Variants in SCN9A observed in about 807,000 individuals in gnomAD.
SCN9A encodes sodium voltage-gated channel alpha subunit 9.
A neutral mutation model predicts 187.0 loss-of-function variants in SCN9A; 131 were observed. The observed-to-expected ratio is 0.70, with a 90% CI of 0.61 to 0.81. The LOEUF (loss-of-function observed/expected upper bound fraction) is 0.81, where lower values mean the gene tolerates loss of function less well. Ranked by LOEUF, SCN9A falls within the 30% of genes least tolerant of loss-of-function variation. The pLI, the probability that SCN9A is intolerant of heterozygous loss-of-function variation, is 0.00. For synonymous variants in SCN9A, 809 were observed against 808.6 expected, an observed-to-expected ratio of 1.00 and a Z score of -0.01; for missense variants, 2,252 against 2,396.6, an observed-to-expected ratio of 0.94 and a Z score of 1.26.
intron 17 of SCN9A, among the ~76,000 whole-genome samples, chr2:166,266,597 A>G (rs1350758803): frequency 6.7e-6 from 1 of 149,774 alleles, no homozygotes; most frequent in Non-Finnish European, 1.5e-5. Context: ...TTTTCTGTAA[A>G]GAATGTCACT....
chr2:166,343,990 A>G (rs1421562054), intron 1 of SCN9A, among the ~76,000 whole-genome samples: 1 of 152,176 alleles, frequency 6.6e-6, no homozygotes, highest in Non-Finnish European at 1.5e-5. Flanking sequence ...CTAAGTGTCA[A>G]TTCTTTACTT....
rs1394935757 is a variant in SCN9A, at chr2:166,197,183, T to C, written c.*1489A>G. On this transcript the variant is annotated 3_prime_UTR_variant, in exon 27 of 27. Transcript: ENST00000642356. ...CTACCTGTGTAGCTCAATTTTTGCC[T>C]GTGCATGAATAACTTTATAGAAGAA... 6.6e-6 allele frequency: 1 copy of C among 152,134 alleles called. No individual in the cohort carries two copies. Among genetic ancestry groups the C allele is most frequent in the Non-Finnish European group, 1.5e-5 (1 of 67,982 alleles). The allele number at this position is 152,134 out of a possible 1,614,324, so 9.4% of individuals were successfully genotyped here.
At chr2:166,225,430 A>G (rs1694804972) in intron 24 of SCN9A, among the ~76,000 whole-genome samples, 1 of 152,194 alleles carries the variant, frequency 6.6e-6, no homozygotes, top group South Asian at 2.1e-4. Context: ...GATAGAGCAT[A>G]GTAGAGAGTT....
At position 166,228,845 on chromosome 2, in the gene SCN9A, A is replaced by G; in HGVS notation, c.4052T>C (p.Ile1351Thr). The change falls in exon 22 of 27, where the codon ATT becomes ACT. Residue 1351 changes from isoleucine (I) to threonine (T), a missense_variant. By Grantham distance (89) the Ile-to-Thr change is moderately conservative. Around this residue, in one of 7 missense-constraint regions of SCN9A, gnomAD observed 368 missense variants for 408.6 expected, o/e 0.90. Coordinates refer to ENST00000642356, the MANE Select transcript of SCN9A (RefSeq NM_001365536.1). ...NLFAGKFYEC[I>T]NTTDGSRFPA... ...AAACCGTGACCCATCTGTGGTGTTAATACACTCATAGAACTTGCCAGCAAA... is the reference window on the plus strand; with the variant it reads ...AAACCGTGACCCATCTGTGGTGTTAGTACACTCATAGAACTTGCCAGCAAA... 1 of 1,613,954 alleles carries G rather than the reference A, an allele frequency of 6.2e-7. No individual in the cohort carries two copies. The highest frequency in any genetic ancestry group is 1.1e-5 in the South Asian group (1 of 91,084).
chr2:166,372,035 A>C (rs1700576682), intron 1 of SCN9A, among the ~76,000 whole-genome samples: 1 of 152,146 alleles, frequency 6.6e-6, no homozygotes, highest in Admixed American at 6.5e-5. Context: ...TAATATCTTT[A>C]AGCATAGTCT....
intron 1 of SCN9A, among the ~76,000 whole-genome samples, chr2:166,339,201 G>C (rs1699704867): frequency 6.6e-6 from 1 of 152,058 alleles, no homozygotes; most frequent in African/African-American, 2.4e-5. Context: ...TAGAAGCCAC[G>C]CTTTGTTGGT....
rs1347993372 is a variant in SCN9A, at chr2:166,246,310, T to C, written c.3473-3654A>G. 2.0e-5 allele frequency among the ~76,000 whole-genome samples: 3 copies of C among 151,814 alleles called. No homozygotes were observed. The East Asian group carries it at 5.8e-4, about 29-fold the overall frequency. On this transcript the variant is annotated intron_variant, in intron 18 of 26. Coordinates refer to ENST00000642356, the MANE Select transcript of SCN9A (RefSeq NM_001365536.1). ...GTGAATTCTATACTTTACATAAACA[T>C]TGGATGAAAAAGAAAAAAAAAGGTG... is the stretch of plus-strand genomic sequence containing the variant.
chr2:166,203,862 A>G (rs1693663582), intron 26 of SCN9A, 93 bp downstream of exon 26: 1 of 780,108 alleles, frequency 1.3e-6, no homozygotes, highest in African/African-American at 1.8e-5. Context: ...TCAAGAGTAA[A>G]TTTGTGTTCA....
intron 24 of SCN9A, among the ~76,000 whole-genome samples, chr2:166,210,304 T>G (rs1455833574): frequency 6.6e-6 from 1 of 151,294 alleles, no homozygotes; most frequent in Non-Finnish European, 1.5e-5. Context: ...CAGGGCCTGT[T>G]GTGGGGTGGG....
chr2:166,308,560 G>A (rs923440766), intron 2 of SCN9A, among the ~76,000 whole-genome samples: 6 of 152,158 alleles, frequency 3.9e-5, no homozygotes, highest in African/African-American at 1.4e-4. Flanking sequence ...ATTCAGAACA[G>A]TGAGTAAATT....
intron 11 of SCN9A, among the ~76,000 whole-genome samples, chr2:166,286,008 A>G (rs1442097750): frequency 6.6e-6 from 1 of 152,202 alleles, no homozygotes; most frequent in Non-Finnish European, 1.5e-5. Flanking sequence ...TACAAAACAC[A>G]GACTAAATAC....
At chr2:166,326,535 G>A (rs1699367691) in intron 1 of SCN9A, among the ~76,000 whole-genome samples, 1 of 152,162 alleles carries the variant, frequency 6.6e-6, no homozygotes, top group Non-Finnish European at 1.5e-5. Context: ...AGGATTTTGT[G>A]TCAAGAATAA....
chr2:166,284,684 A>G lies in SCN9A; in HGVS notation c.1743T>C (p.Asn581=). The G allele has an allele frequency of 6.2e-7, 1 of 1,613,926 alleles. No homozygotes were observed. The highest frequency in any genetic ancestry group is 8.5e-7 in the Non-Finnish European group (1 of 1,179,868). Reference sequence around the variant, plus strand: ...CAAACAGTGAGCCCCTTCTGCTCTCATTGTCTCCAAAAATGCTGTGCTCAT... The same window carrying G: ...CAAACAGTGAGCCCCTTCTGCTCTCGTTGTCTCCAAAAATGCTGTGCTCAT... ...ADDEHSIFGD[N]ESRRGSLFVP... The change falls in exon 12 of 27, where the codon AAT becomes AAC. Residue 581 remains asparagine, a synonymous_variant. Coordinates refer to ENST00000642356, the MANE Select transcript of SCN9A (RefSeq NM_001365536.1).
chr2:166,371,981 C>G (rs180802944), intron 1 of SCN9A, among the ~76,000 whole-genome samples: 1 of 152,088 alleles, frequency 6.6e-6, no homozygotes, highest in Non-Finnish European at 1.5e-5. Context: ...TAATTGAAAG[C>G]TAAATTTTCA....
rs1574851833 is a variant in SCN9A, at chr2:166,277,262, A to T, written c.2595T>A (p.Ala865=). 1 of 1,614,114 alleles carries T rather than the reference A, an allele frequency of 6.2e-7. No individual in the cohort carries two copies. Among genetic ancestry groups the T allele is most frequent in the Non-Finnish European group, 8.5e-7 (1 of 1,179,964 alleles). Residue 865 remains alanine (A), a synonymous_variant, in exon 16 of 27, where the codon GCT becomes GCA. Coordinates refer to ENST00000642356, the MANE Select transcript of SCN9A (RefSeq NM_001365536.1). ...LIKIIGNSVG[A]LGNLTLVLAI... ...CCAACACTAAGGTGAGGTTACCTAG[A>T]GCCCCTACTGAGTTACCAATGATCT...
At chr2:166,207,600 C>G (rs951123056) in intron 24 of SCN9A, among the ~76,000 whole-genome samples, 1 of 152,040 alleles carries the variant, frequency 6.6e-6, no homozygotes, top group Non-Finnish European at 1.5e-5. Flanking sequence ...GCCACCACAT[C>G]AGGCTAATTT....
chr2:166,333,947 C>T (rs997848797), intron 1 of SCN9A, among the ~76,000 whole-genome samples: 2 of 152,046 alleles, frequency 1.3e-5, no homozygotes, highest in African/African-American at 4.8e-5. Context: ...ATCTTTAATA[C>T]ATTCAACAAC....
intron 8 of SCN9A, among the ~76,000 whole-genome samples, chr2:166,294,127 T>C (rs765334476): frequency 3.3e-4 from 50 of 152,158 alleles, no homozygotes; most frequent in Admixed American, 1.4e-3. Flanking sequence ...TATTCTTATA[T>C]ATACAATATT....
chr2:166,270,610 T>C (rs1190393809), intron 17 of SCN9A, among the ~76,000 whole-genome samples: 1 of 151,898 alleles, frequency 6.6e-6, no homozygotes, highest in East Asian at 1.9e-4. Context: ...TAATCTTATG[T>C]ATTTAATTTA....
Sources: allele counts gnomAD v4.1 joint callset (sites outside exome capture counted in the v4.1 genomes callset), GRCh38; gene constraint gnomAD v4.1.1; regional missense constraint gnomAD v4.1.1; transcripts MANE v1.5; gene names NCBI Gene and HGNC (gene_info 2026-07-23, HGNC 2026-07-21).